Variants in DCDC2 observed in about 807,000 individuals in gnomAD.
The protein encoded by DCDC2 is doublecortin domain containing 2, also known as doublecortin domain-containing protein 2.
Under a neutral mutation model 50.2 loss-of-function variants are expected in DCDC2, and 40 were observed. The ratio of observed to expected loss-of-function variants is 0.80; its 90% CI spans 0.62 to 1.04. The LOEUF (loss-of-function observed/expected upper bound fraction) is 1.04. DCDC2 is among the 50% of genes least tolerant of loss of function. The pLI is 0.00. For synonymous variants in DCDC2, 234 were observed against 210.6 expected (o/e 1.11, Z -0.96); for missense variants, 570 against 581.9 (o/e 0.98, Z 0.21).
intron 7 of DCDC2, among the ~76,000 whole-genome samples, chr6:24,276,116 A>G (rs1763350839): frequency 6.6e-6 from 1 of 151,924 alleles, no homozygotes; most frequent in African/African-American, 2.4e-5. Flanking sequence ...CCGACTACCC[A>G]CCTTGGCCTC....
intron 2 of DCDC2, among the ~76,000 whole-genome samples, chr6:24,332,778 A>AT (rs1561778210): frequency 1.3e-5 from 2 of 152,318 alleles, no homozygotes; most frequent in East Asian, 3.9e-4. Context: ...AAACAGCATG[A>AT]TTACTATTCA....
intron 7 of DCDC2, among the ~76,000 whole-genome samples, chr6:24,249,168 T>TAGC (rs10623879): frequency 0.99 from 150,688 of 152,230 alleles, 74,599 homozygotes; most frequent in Middle Eastern, 1. Flanking sequence ...ACAAAGGAAT[T>TAGC]AGAGTGAAAG....
chr6:24,331,964 G>T (rs1759972822), intron 2 of DCDC2, among the ~76,000 whole-genome samples: 1 of 152,296 alleles, frequency 6.6e-6, no homozygotes, highest in African/African-American at 2.4e-5. Flanking sequence ...GCAATTAGGT[G>T]AAAAATCAGT....
In DCDC2 at chr6:24,198,272, C is replaced by A. The variant is rs189807816; in HGVS notation, c.1023+6730G>T. 2.6e-5 allele frequency among the ~76,000 whole-genome samples: 4 copies of A among 152,300 alleles called. No individual in the cohort carries two copies. The East Asian group carries it at 7.7e-4, about 29-fold the overall frequency. ...TCCCAGTGAGATCAACACAGAAGGC[C>A]AGTGATTTCTGCATTCCCAACTGAG... On this transcript the variant is annotated intron_variant, in intron 8 of 9. Coordinates refer to ENST00000378454, the MANE Select transcript of DCDC2 (RefSeq NM_016356.5).
chr6:24,358,071 G>C, upstream of DCDC2: 1 of 853,212 alleles, frequency 1.2e-6, no homozygotes, highest in Non-Finnish European at 1.8e-6. Context: ...AGCAGGAGCC[G>C]GAAACGCGCG....
chr6:24,368,244 T>C, the DCDC2 span, among the ~76,000 whole-genome samples: 1 of 152,250 alleles, frequency 6.6e-6, no homozygotes, highest in South Asian at 2.1e-4. Flanking sequence ...ACTATATCTT[T>C]AATCAAAATT....
At chr6:24,208,755 C>T (rs553621063) in intron 7 of DCDC2, among the ~76,000 whole-genome samples, 2 of 152,202 alleles carry the variant, frequency 1.3e-5, no homozygotes, top group African/African-American at 2.4e-5. Context: ...ATTCTGCCCC[C>T]TTCCCTGCTA....
chr6:24,286,770 T>G (rs369732959), intron 6 of DCDC2, among the ~76,000 whole-genome samples: 2 of 152,160 alleles, frequency 1.3e-5, no homozygotes, highest in Non-Finnish European at 2.9e-5. Flanking sequence ...GCCTTCTTCT[T>G]GGCCATAGAA....
In DCDC2 at chr6:24,240,543, G is replaced by A. The variant is rs558661446; in HGVS notation, c.923-35441C>T. ...CAGTTAATTTACTTTATGGGCCTAGGTGGTAGAAAATCATTAATGTTATTA... is the reference window on the plus strand; with the variant it reads ...CAGTTAATTTACTTTATGGGCCTAGATGGTAGAAAATCATTAATGTTATTA... On this transcript the variant is annotated intron_variant, in intron 7 of 9. Transcript: ENST00000378454. Among the ~76,000 whole-genome samples, 176 of 152,228 alleles carry A rather than the reference G, an allele frequency of 1.2e-3. 2 individuals are homozygous for A. The highest frequency in any genetic ancestry group is 7.9e-4 in the Non-Finnish European group (54 of 68,010).
rs1308097447 is a variant in DCDC2 at position 24,357,447 on chromosome 6, G to A, written c.293+11C>T. On this transcript the variant is annotated intron_variant, in intron 1 of 9. Transcript: ENST00000378454. ...ACCTAAATGGGTGGGCGGTGGGGGA[G>A]ACCGACTCACTTGAGTTTCTTGAAG... The A allele has an allele frequency of 1.3e-6, 2 of 1,587,492 alleles. No individual in the cohort carries two copies. The highest frequency in any genetic ancestry group is 1.3e-5 in the African/African-American group (1 of 74,360).
rs1015551142 is a variant in DCDC2, at chr6:24,173,795, T to G, written c.*935A>C. On this transcript the variant is annotated 3_prime_UTR_variant, in exon 10 of 10. Coordinates refer to ENST00000378454, the MANE Select transcript of DCDC2 (RefSeq NM_016356.5). ...AAATAAGGCAAAAAACAAGTTAAAT[T>G]GAGCAGTCACAAACTCTTCATATAG... The G allele has an allele frequency of 2.0e-5, 3 of 152,222 alleles. No homozygotes were observed. The highest frequency in any genetic ancestry group is 7.2e-5 in the African/African-American group (3 of 41,464). 9.4% of individuals were successfully genotyped at this position (152,222 alleles called of 1,614,324 possible).
chr6:24,350,582 C>T (rs1760350527), intron 2 of DCDC2, among the ~76,000 whole-genome samples: 1 of 152,064 alleles, frequency 6.6e-6, no homozygotes, highest in Non-Finnish European at 1.5e-5. Flanking sequence ...AGGAAATGCC[C>T]CCCATTTTGG....
intron 2 of DCDC2, among the ~76,000 whole-genome samples, chr6:24,309,949 G>C (rs868481738): frequency 6.6e-6 from 1 of 152,070 alleles, no homozygotes; most frequent in South Asian, 2.1e-4. Context: ...GGGCAACATA[G>C]TGAGACCCTG....
the DCDC2 span, among the ~76,000 whole-genome samples, chr6:24,369,170 A>G: frequency 2.0e-5 from 3 of 151,828 alleles, no homozygotes; most frequent in African/African-American, 7.3e-5. Context: ...AGAGAATAAC[A>G]GAAATAAATG....
intron 1 of DCDC2, among the ~76,000 whole-genome samples, chr6:24,355,803 C>T (rs1378347176): frequency 1.3e-5 from 2 of 151,898 alleles, no homozygotes; most frequent in East Asian, 3.8e-4. Context: ...TAATAGAATA[C>T]CTAGAACTCA....
At chr6:24,331,000 A>T (rs1464955041) in intron 2 of DCDC2, among the ~76,000 whole-genome samples, 2 of 152,230 alleles carry the variant, frequency 1.3e-5, no homozygotes, top group African/African-American at 4.8e-5. Flanking sequence ...AGGCAAAAAA[A>T]TGAAGGCTTC....
chr6:24,360,456 G>A (rs1433991904), upstream of DCDC2, among the ~76,000 whole-genome samples: 2 of 152,286 alleles, frequency 1.3e-5, no homozygotes, highest in Admixed American at 1.3e-4. Flanking sequence ...TTTCACTGCC[G>A]CAAGAAGGCT....
Position 24,322,492 on chromosome 6 carries a change from C to CTTTTT in DCDC2, c.349-20453_349-20449dup, listed in dbSNP as rs56932924. ...TCTCCTTTCCCCTTTGTTTTCCTTCCTTTTTTTTTTTTTTCCAGATCCAGG... is the reference window on the plus strand; with the variant it reads ...TCTCCTTTCCCCTTTGTTTTCCTTCCTTTTTTTTTTTTTTTTTTTCCAGATCCAGG... On this transcript the variant is annotated intron_variant, in intron 2 of 9. Transcript: ENST00000378454. 6.3e-4 allele frequency among the ~76,000 whole-genome samples: 90 copies of CTTTTT among 142,344 alleles called. 1 individual carries two copies. Among genetic ancestry groups the CTTTTT allele is most frequent in the South Asian group, 2.9e-3 (13 of 4,514 alleles). The allele number at this position is 142,344 out of a possible 152,430, so 93.4% of individuals were successfully genotyped here. A position where few individuals can be genotyped will look rare whatever the true frequency, so the allele number is the denominator to read the frequency against.
chr6:24,240,971 G>A, intron 7 of DCDC2, among the ~76,000 whole-genome samples: 1 of 152,192 alleles, frequency 6.6e-6, no homozygotes, highest in East Asian at 1.9e-4. Flanking sequence ...CTGATATCAA[G>A]GCAATCAGGA....
Sources: allele counts gnomAD v4.1 joint callset (sites outside exome capture counted in the v4.1 genomes callset), GRCh38; gene constraint gnomAD v4.1.1; transcripts MANE v1.5; gene names NCBI Gene and HGNC (gene_info 2026-07-23, HGNC 2026-07-21).